Variants in MAP3K1 observed in about 807,000 individuals in gnomAD.
MAP3K1 encodes MAP/ERK kinase kinase 1.
A neutral mutation model predicts 144.2 loss-of-function variants in MAP3K1; 36 were observed. That is an observed-to-expected ratio of 0.25 (90% CI 0.19 to 0.33). MAP3K1 has a LOEUF of 0.33. Among genes scored for constraint, MAP3K1 ranks in the 10% least tolerant of loss-of-function variants. MAP3K1 has a pLI of 1.00. For synonymous variants in MAP3K1, 718 were observed against 688.7 expected (o/e 1.04, Z -0.67); for missense variants, 1,650 against 1,881.9 (o/e 0.88, Z 2.28).
intron 1 of MAP3K1, among the ~76,000 whole-genome samples, chr5:56,832,245 A>G (rs908131091): frequency 1.3e-5 from 2 of 152,190 alleles, no homozygotes; most frequent in African/African-American, 4.8e-5. Flanking sequence ...TGGTCATAGC[A>G]TTTTAGAATT....
Position 56,893,678 on chromosome 5 carries a change from T to C in MAP3K1, c.4537T>C (p.Ter1513GlnextTer25). Residue 1513 changes from the stop codon to glutamine, a stop_lost, in exon 20 of 20, where the codon TAG becomes CAG. Transcript: ENST00000399503. ...LKHPVFRTTW[*>Q] ...GCATCCAGTCTTTCGTACTACATGGTAGCCAATTATGCAGATCAACTACAG... is the reference window on the plus strand; with the variant it reads ...GCATCCAGTCTTTCGTACTACATGGCAGCCAATTATGCAGATCAACTACAG... The C allele has an allele frequency of 1.2e-6, 2 of 1,613,814 alleles. No individual in the cohort carries two copies. Among genetic ancestry groups the C allele is most frequent in the South Asian group, 2.2e-5 (2 of 91,080 alleles).
At position 56,891,772 on chromosome 5, in the gene MAP3K1, A is replaced by C. The variant is rs1054101643; in HGVS notation, c.4390-1759A>C. Among the ~76,000 whole-genome samples, 16 of 152,206 alleles carry C rather than the reference A, an allele frequency of 1.1e-4. No homozygotes were observed. The East Asian group carries it at 2.5e-3, about 24-fold the overall frequency. On this transcript the variant is annotated intron_variant, in intron 19 of 19. Coordinates refer to ENST00000399503, the MANE Select transcript of MAP3K1 (RefSeq NM_005921.2). Reference sequence around the variant, plus strand: ...ACATATGGCTAGCCAGTTTTCCCAGAACCATTTCTTAAATAGGGAATCATT... The same window carrying C: ...ACATATGGCTAGCCAGTTTTCCCAGCACCATTTCTTAAATAGGGAATCATT...
chr5:56,894,477 A>T lies in MAP3K1; in HGVS notation c.*797A>T. 4.3e-6 allele frequency: 1 copy of T among 232,694 alleles called. No homozygotes were observed. Among genetic ancestry groups the T allele is most frequent in the Non-Finnish European group, 8.5e-6 (1 of 117,720 alleles). The allele number at this position is 232,694 out of a possible 1,614,324, so 14.4% of individuals were successfully genotyped here. On this transcript the variant is annotated 3_prime_UTR_variant, in exon 20 of 20. Transcript: ENST00000399503. ...TTGTTTTTTTAAATTGGAATACAAT[A>T]AAGTACTACCTACATTTGAGTCAGT...
At chr5:56,844,452 T>G (rs184047788) in intron 1 of MAP3K1, among the ~76,000 whole-genome samples, 2,183 of 152,266 alleles carry the variant, frequency 0.014, 19 homozygotes, top group Non-Finnish European at 0.024. Flanking sequence ...GTGCTGGGAT[T>G]ACAGGTGTGA....
At position 56,894,164 on chromosome 5, in the gene MAP3K1, A is replaced by G; in HGVS notation, c.*484A>G. On this transcript the variant is annotated 3_prime_UTR_variant, in exon 20 of 20. Coordinates refer to ENST00000399503, the MANE Select transcript of MAP3K1 (RefSeq NM_005921.2). Reference sequence around the variant, plus strand: ...AGGTCAGAGTATGCTATGAGTAGCAATACATACATATATTTTTAAAAGTTG... The same window carrying G: ...AGGTCAGAGTATGCTATGAGTAGCAGTACATACATATATTTTTAAAAGTTG... 1 of 255,484 alleles carries G rather than the reference A, an allele frequency of 3.9e-6. No individual in the cohort carries two copies. Among genetic ancestry groups the G allele is most frequent in the Non-Finnish European group, 7.7e-6 (1 of 130,152 alleles). 15.8% of individuals were successfully genotyped at this position (255,484 alleles called of 1,614,324 possible). A position where few individuals can be genotyped will look rare whatever the true frequency, so the allele number is the denominator to read the frequency against.
At chr5:56,852,673 G>T (rs1747211131) in intron 1 of MAP3K1, among the ~76,000 whole-genome samples, 1 of 151,882 alleles carries the variant, frequency 6.6e-6, no homozygotes. Context: ...ATTTTTTTAA[G>T]GTCAAAAGTG....
At chr5:56,850,501 A>C (rs931736612) in intron 1 of MAP3K1, among the ~76,000 whole-genome samples, 11 of 152,218 alleles carry the variant, frequency 7.2e-5, no homozygotes, top group African/African-American at 2.4e-4. Flanking sequence ...ATAATTAATC[A>C]AATCGTCACT....
chr5:56,883,009 C>A, intron 14 of MAP3K1, 143 bp downstream of exon 14: 1 of 681,208 alleles, frequency 1.5e-6, no homozygotes, highest in Non-Finnish European at 2.5e-6. Flanking sequence ...GTCAACAAAG[C>A]AAGACCCTGT....
intron 10 of MAP3K1, among the ~76,000 whole-genome samples, chr5:56,878,301 G>A (rs748322904): frequency 7.2e-5 from 11 of 152,152 alleles, no homozygotes; most frequent in South Asian, 4.2e-4. Context: ...GGAGTCTGTC[G>A]GGGGTCGGGA....
intron 14 of MAP3K1, among the ~76,000 whole-genome samples, chr5:56,883,253 C>G (rs1748282278): frequency 6.6e-6 from 1 of 152,200 alleles, no homozygotes; most frequent in Non-Finnish European, 1.5e-5. Context: ...TTCTAACATT[C>G]AGAAGCAGAG....
Position 56,856,625 on chromosome 5 carries a change from C to T in MAP3K1, c.508C>T (p.Leu170Phe). 2 of 1,613,858 alleles carry T rather than the reference C, an allele frequency of 1.2e-6. No homozygotes were observed. Among genetic ancestry groups the T allele is most frequent in the Non-Finnish European group, 1.7e-6 (2 of 1,179,830 alleles). The stretch of plus-strand genomic sequence containing the variant: ...TCGTGAGATGGAGAATAAAGAAACT[C>T]TCAAAGGGTTGCACAAGATGGATGA... ...AGREMENKET[L>F]KGLHKMDDRP... Residue 170 changes from leucine to phenylalanine, a missense_variant, in exon 2 of 20, where the codon CTC (leucine) becomes TTC (phenylalanine). Coordinates refer to ENST00000399503, the MANE Select transcript of MAP3K1 (RefSeq NM_005921.2).
At chr5:56,854,323 C>T (rs1249689827) in intron 1 of MAP3K1, among the ~76,000 whole-genome samples, 1 of 148,554 alleles carries the variant, frequency 6.7e-6, no homozygotes, top group Non-Finnish European at 1.5e-5. Context: ...ATACTAGCTA[C>T]TTGGAAGGCT....
In MAP3K1 at chr5:56,815,949, G is replaced by A. The variant is rs1211899124; in HGVS notation, c.376G>A (p.Glu126Lys). 6.3e-6 allele frequency: 8 copies of A among 1,260,696 alleles called. No homozygotes were observed. Among genetic ancestry groups the A allele is most frequent in the Non-Finnish European group, 3.0e-6 (3 of 1,004,534 alleles). The allele number at this position is 1,260,696 out of a possible 1,614,324, so 78.1% of individuals were successfully genotyped here. The change falls in exon 1 of 20, where the codon GAG (glutamate) becomes AAG (lysine). Residue 126 changes from glutamate to lysine, a missense_variant. Transcript: ENST00000399503. Reference protein sequence around the residue: ...AASRGGAHLTESVAAPDSGAS... With the variant: ...AASRGGAHLTKSVAAPDSGAS... ...GAGCCGCGGCGGCGCCCACCTTACC[G>A]AGTCGGTGGCGGCGCCGGACAGCGG... is the stretch of plus-strand genomic sequence containing the variant.
At chr5:56,854,106 G>T (rs1025022223) in intron 1 of MAP3K1, among the ~76,000 whole-genome samples, 1 of 152,098 alleles carries the variant, frequency 6.6e-6, no homozygotes, top group East Asian at 1.9e-4. Flanking sequence ...CTTCATTTGT[G>T]TACATTTTTA....
In MAP3K1 at chr5:56,871,934, G is replaced by GTGTC; in HGVS notation, c.1327_1330dup (p.Pro444LeufsTer10). On this transcript the variant is annotated frameshift_variant, in exon 7 of 20. Coordinates refer to ENST00000399503, the MANE Select transcript of MAP3K1 (RefSeq NM_005921.2). LOFTEE classifies it high-confidence loss of function. The stretch of plus-strand genomic sequence containing the variant: ...GCATAAAGGATGAAGAGGAACAGAT[G>GTGTC]TGTCCTATTTGCTTGTTGGGCATGC... 6.2e-7 allele frequency: 1 copy of GTGTC among 1,613,732 alleles called. No individual in the cohort carries two copies. Among genetic ancestry groups the GTGTC allele is most frequent in the East Asian group, 2.2e-5 (1 of 44,880 alleles).
intron 1 of MAP3K1, among the ~76,000 whole-genome samples, chr5:56,853,451 A>G (rs1207502376): frequency 6.6e-6 from 1 of 152,224 alleles, no homozygotes; most frequent in African/African-American, 2.4e-5. Context: ...TAGGACTGCC[A>G]GAGTTAATAA....
intron 3 of MAP3K1, among the ~76,000 whole-genome samples, chr5:56,862,685 A>G (rs940546063): frequency 2.0e-5 from 3 of 152,362 alleles, no homozygotes; most frequent in Middle Eastern, 6.8e-3. Context: ...CATCTTGTAC[A>G]TCTGTGAGCA....
chr5:56,835,566 T>C (rs533562612), intron 1 of MAP3K1, among the ~76,000 whole-genome samples: 12 of 151,418 alleles, frequency 7.9e-5, no homozygotes, highest in Non-Finnish European at 1.2e-4. Context: ...GTGATGGGAG[T>C]GGGACGTACT....
At chr5:56,870,814 T>C (rs1464819227) in intron 6 of MAP3K1, among the ~76,000 whole-genome samples, 1 of 152,174 alleles carries the variant, frequency 6.6e-6, no homozygotes, top group Non-Finnish European at 1.5e-5. Context: ...CACTTTTTGG[T>C]TTACATACTT....
Sources: gnomAD v4.1 joint callset for allele counts (sites outside exome capture counted in the v4.1 genomes callset) on GRCh38, gnomAD v4.1.1 for gene constraint, MANE v1.5 for transcripts, NCBI Gene and HGNC (gene_info 2026-07-23, HGNC 2026-07-21) for gene names.